Variants in ASXL3 observed in about 807,000 individuals in gnomAD.
ASXL3 encodes ASXL transcriptional regulator 3.
A neutral mutation model predicts 170.6 loss-of-function variants in ASXL3; 34 were observed. That is an observed-to-expected ratio of 0.20 (90% CI 0.15 to 0.27). ASXL3 has a LOEUF of 0.27. ASXL3 is among the 10% of genes least tolerant of loss of function. The pLI is 1.00. For synonymous variants in ASXL3, 1,002 were observed against 989.1 expected (o/e 1.01, Z -0.24); for missense variants, 2,592 against 2,695.3 (o/e 0.96, Z 0.85).
At chr18:33,649,395 C>T (rs2065962913) in intron 4 of ASXL3, among the ~76,000 whole-genome samples, 1 of 152,024 alleles carries the variant, frequency 6.6e-6, no homozygotes, top group Non-Finnish European at 1.5e-5. Context: ...TTATTTTTCT[C>T]AGCAAAATAG....
chr18:33,693,225 G>C (rs139531949), intron 8 of ASXL3, among the ~76,000 whole-genome samples: 1 of 152,116 alleles, frequency 6.6e-6, no homozygotes, highest in Non-Finnish European at 1.5e-5. Context: ...TGTTTATTGT[G>C]CATTTGAGAA....
intron 1 of ASXL3, among the ~76,000 whole-genome samples, chr18:33,593,827 G>T (rs1475406648): frequency 6.6e-6 from 1 of 151,944 alleles, no homozygotes; most frequent in Admixed American, 6.6e-5. Context: ...CCTATATATG[G>T]GTATGCAGCC....
At chr18:33,727,652 A>G (rs2067373652) in intron 8 of ASXL3, among the ~76,000 whole-genome samples, 3 of 152,184 alleles carry the variant, frequency 2.0e-5, no homozygotes, top group African/African-American at 7.2e-5. Flanking sequence ...AAGACAGGTG[A>G]TTTTGGGAAT....
At chr18:33,694,812 T>G (rs575989738) in intron 8 of ASXL3, among the ~76,000 whole-genome samples, 1 of 152,300 alleles carries the variant, frequency 6.6e-6, no homozygotes, top group East Asian at 1.9e-4. Context: ...TAATTTTAAC[T>G]GTGGAGAATG....
chr18:33,593,322 G>A (rs2065096192), intron 1 of ASXL3, among the ~76,000 whole-genome samples: 1 of 131,248 alleles, frequency 7.6e-6, no homozygotes, highest in East Asian at 2.3e-4. Flanking sequence ...CCCACCAGCA[G>A]ATTATATTTC....
At chr18:33,702,521 C>T (rs2066889994) in intron 8 of ASXL3, among the ~76,000 whole-genome samples, 1 of 152,180 alleles carries the variant, frequency 6.6e-6, no homozygotes, top group Non-Finnish European at 1.5e-5. Flanking sequence ...CCTGATCCCT[C>T]TGTTAAACTA....
At position 33,621,064 on chromosome 18, in the gene ASXL3, C is replaced by T. The variant is rs908364531; in HGVS notation, c.137+13388C>T. On this transcript the variant is annotated intron_variant, in intron 2 of 11. Coordinates refer to ENST00000269197, the MANE Select transcript of ASXL3 (RefSeq NM_030632.3). ...CAAAACAGATCATTCAAAACAGCCCCTACCACATTAGGATGCAAACTAAGA... is the reference window on the plus strand; with the variant it reads ...CAAAACAGATCATTCAAAACAGCCCTTACCACATTAGGATGCAAACTAAGA... Among the ~76,000 whole-genome samples the T allele has an allele frequency of 1.4e-4, 21 of 152,116 alleles. 1 individual carries two copies. The highest frequency in any genetic ancestry group is 7.2e-4 in the Admixed American group (11 of 15,250).
chr18:33,645,034 C>G, intron 3 of ASXL3, 32 bp downstream of exon 3: 1 of 1,391,864 alleles, frequency 7.2e-7, no homozygotes, highest in Non-Finnish European at 9.8e-7. Context: ...ATTGTTATTA[C>G]TATTATCATG....
chr18:33,639,934 T>TA (rs978119298), intron 2 of ASXL3, among the ~76,000 whole-genome samples: 2 of 152,140 alleles, frequency 1.3e-5, no homozygotes, highest in African/African-American at 4.8e-5. Flanking sequence ...TCCTTCCTGA[T>TA]AAAAAGAGTG....
chr18:33,684,793 A>G (rs1346628166), intron 8 of ASXL3, among the ~76,000 whole-genome samples: 1 of 152,150 alleles, frequency 6.6e-6, no homozygotes, highest in Non-Finnish European at 1.5e-5. Context: ...AAAAGTACAA[A>G]GTATATTGTA....
chr18:33,580,353 CATTA>C (rs1437290228), intron 1 of ASXL3, among the ~76,000 whole-genome samples: 2 of 152,084 alleles, frequency 1.3e-5, no homozygotes, highest in South Asian at 2.1e-4. Context: ...TTTGCTCGGC[CATTA>C]ATTCAGAATT....
chr18:33,660,860 A>T (rs927348505), intron 4 of ASXL3, among the ~76,000 whole-genome samples: 1 of 152,132 alleles, frequency 6.6e-6, no homozygotes, highest in Non-Finnish European at 1.5e-5. Context: ...TCTGGCTCAA[A>T]CATAGGTTTC....
chr18:33,589,798 A>G (rs745869307), intron 1 of ASXL3, among the ~76,000 whole-genome samples: 1 of 152,182 alleles, frequency 6.6e-6, no homozygotes, highest in Non-Finnish European at 1.5e-5. Context: ...TAATTAATAA[A>G]AATAGCAATA....
intron 8 of ASXL3, among the ~76,000 whole-genome samples, chr18:33,686,718 T>C (rs2066603350): frequency 6.6e-6 from 1 of 152,210 alleles, no homozygotes; most frequent in African/African-American, 2.4e-5. Flanking sequence ...GATGGCCTGA[T>C]TGTAGGCTAA....
At chr18:33,619,736 A>C (rs779895001) in intron 2 of ASXL3, among the ~76,000 whole-genome samples, 1 of 152,088 alleles carries the variant, frequency 6.6e-6, no homozygotes, top group Non-Finnish European at 1.5e-5. Context: ...TTGCTAACCT[A>C]CTAGTCAAAT....
intron 8 of ASXL3, among the ~76,000 whole-genome samples, chr18:33,724,904 C>T (rs1182952795): frequency 6.6e-6 from 1 of 152,072 alleles, no homozygotes; most frequent in Non-Finnish European, 1.5e-5. Flanking sequence ...GAATCCATCC[C>T]TTTTAACAGC....
chr18:33,666,513 C>A (rs923727172), intron 5 of ASXL3, among the ~76,000 whole-genome samples: 1 of 152,118 alleles, frequency 6.6e-6, no homozygotes, highest in African/African-American at 2.4e-5. Context: ...TCTTCTTAAT[C>A]CTATTTTCTT....
Position 33,745,787 on chromosome 18 carries a change from C to A in ASXL3, c.5939C>A (p.Ala1980Glu). The change falls in exon 12 of 12, where the codon GCA (alanine) becomes GAA (glutamate). Residue 1980 changes from alanine (A) to glutamate (E), a missense_variant. Physicochemically the swap from Ala to Glu is moderately radical, Grantham distance 107. Around this residue, in one of 4 missense-constraint regions of ASXL3, gnomAD observed 2,246 missense variants for 2,219.6 expected, o/e 1.01. Transcript: ENST00000269197. The part of the protein sequence containing the change: ...KGLGEVSLSS[A>E]PHQLRLANML... ...TTGGGAGAGGTTAGTCTTTCCTCAGCACCTCACCAGCTAAGGTTAGCCAAC... is the reference window on the plus strand; with the variant it reads ...TTGGGAGAGGTTAGTCTTTCCTCAGAACCTCACCAGCTAAGGTTAGCCAAC... 1 of 1,613,978 alleles carries A rather than the reference C, an allele frequency of 6.2e-7. No individual in the cohort carries two copies. The highest frequency in any genetic ancestry group is 2.2e-5 in the East Asian group (1 of 44,876).
intron 8 of ASXL3, among the ~76,000 whole-genome samples, chr18:33,725,814 A>G (rs2067340392): frequency 6.6e-6 from 1 of 152,158 alleles, no homozygotes; most frequent in African/African-American, 2.4e-5. Flanking sequence ...CCTGGGAAGC[A>G]TCTTCCACAT....
Sources: allele counts gnomAD v4.1 joint callset (sites outside exome capture counted in the v4.1 genomes callset), GRCh38; gene constraint gnomAD v4.1.1; regional missense constraint gnomAD v4.1.1; transcripts MANE v1.5; gene names NCBI Gene and HGNC (gene_info 2026-07-23, HGNC 2026-07-21).